The following TRMO variants were observed in gnomAD, a reference collection of about 807,000 sequenced individuals.
The protein encoded by TRMO is tRNA methyltransferase O, also known as tRNA (adenine(37)-N6)-methyltransferase.
TRMO carries 30 observed loss-of-function variants against 37.2 expected under a neutral mutation model. That is an observed-to-expected ratio of 0.81 (90% CI 0.60 to 1.09). The LOEUF (loss-of-function observed/expected upper bound fraction) is 1.09, where lower values mean the gene tolerates loss of function less well. Ranked by LOEUF, TRMO falls within the 50% of genes least tolerant of loss-of-function variation. The pLI is 0.00. For synonymous variants in TRMO, 239 were observed against 199.4 expected, an observed-to-expected ratio of 1.20 and a Z score of -1.67; for missense variants, 552 against 549.5, an observed-to-expected ratio of 1.00 and a Z score of -0.05.
At chr9:97,910,796 C>T in intron 3 of TRMO, 180 bp from the exon 4 acceptor site, 1 of 682,028 alleles carries the variant, frequency 1.5e-6, no homozygotes, top group South Asian at 1.9e-5. Context: ...CTCTTCTCTA[C>T]CTATCAAACT....
In TRMO at chr9:97,904,908, C is replaced by G. The variant is rs767608004; in HGVS notation, c.1151G>C (p.Arg384Pro). The change falls in exon 5 of 5, where the codon CGG becomes CCG. Residue 384 changes from arginine (R) to proline (P), a missense_variant. Coordinates refer to ENST00000375119, the MANE Select transcript of TRMO (RefSeq NM_016481.5). ...AIEAVLSADP[R>P]SVYRRKLCQD... ...GCAAAGCTTCCGGCGGTACACAGAC[C>G]GAGGATCCGCTGACAGCACAGCCTC... 3 of 1,614,138 alleles carry G rather than the reference C, an allele frequency of 1.9e-6. No homozygotes were observed. The highest frequency in any genetic ancestry group is 2.2e-5 in the East Asian group (1 of 44,890).
intron 1 of TRMO, among the ~76,000 whole-genome samples, chr9:97,919,646 T>C (rs1457007055): frequency 1.3e-5 from 2 of 152,240 alleles, no homozygotes. Flanking sequence ...ACTTCTGCCC[T>C]TGACTCTTTG....
chr9:97,900,438 G>C (rs1454559034), downstream of TRMO, among the ~76,000 whole-genome samples: 2 of 152,228 alleles, frequency 1.3e-5, no homozygotes. Context: ...CTGTGGGAAT[G>C]GGCGTTTCTG....
At chr9:97,911,971 A>C (rs948410909) in intron 3 of TRMO, 1 of 152,216 alleles carries the variant, frequency 6.6e-6, no homozygotes, top group Non-Finnish European at 1.5e-5. Context: ...CTAGATGATG[A>C]ATTATGCCTA....
chr9:97,904,562 T>C lies in TRMO; in HGVS notation c.*171A>G, dbSNP rs749185200. The C allele has an allele frequency of 4.3e-4, 621 of 1,439,978 alleles. No individual in the cohort carries two copies. Among genetic ancestry groups the C allele is most frequent in the Non-Finnish European group, 5.3e-4 (583 of 1,101,072 alleles). The allele number at this position is 1,439,978 out of a possible 1,614,324, so 89.2% of individuals were successfully genotyped here. A position where few individuals can be genotyped will look rare whatever the true frequency, so the allele number is the denominator to read the frequency against. On this transcript the variant is annotated 3_prime_UTR_variant, in exon 5 of 5. Transcript: ENST00000375119. The stretch of plus-strand genomic sequence containing the variant: ...TTCTCTGTATTTTATATCTCTTTGT[T>C]AAGTTTATTAATGTATACGTTTTTC...
At chr9:97,909,903 G>C in intron 4 of TRMO, 57 bp downstream of exon 4, 2 of 1,330,864 alleles carry the variant, frequency 1.5e-6, no homozygotes, top group East Asian at 4.7e-5. Flanking sequence ...TACCAAACTT[G>C]GCTAAATCTC....
intron 3 of TRMO, chr9:97,912,509 T>C (rs1187433249): frequency 6.5e-6 from 1 of 154,294 alleles, no homozygotes; most frequent in South Asian, 2.0e-4. Context: ...CTGAGAAAAC[T>C]ACCTAAGGCC....
chr9:97,910,732 T>C, intron 3 of TRMO, 116 bp from the exon 4 acceptor site: 1 of 1,204,132 alleles, frequency 8.3e-7, no homozygotes, highest in South Asian at 1.5e-5. Flanking sequence ...CTCATAATTC[T>C]CTCACACAGA....
At chr9:97,897,901 G>T in the TRMO span, among the ~76,000 whole-genome samples, 15 of 152,066 alleles carry the variant, frequency 9.9e-5, no homozygotes, top group South Asian at 2.9e-3. Flanking sequence ...CTGTTGCCCA[G>T]ACTGGAGGAC....
chr9:97,910,289 A>G lies in TRMO; in HGVS notation c.737T>C (p.Met246Thr), dbSNP rs1826053655. The change falls in exon 4 of 5, where the codon ATG (methionine) becomes ACG (threonine). Residue 246 changes from methionine to threonine, a missense_variant. By Grantham distance (81) the Met-to-Thr change is moderately conservative (BLOSUM62 -1). Transcript: ENST00000375119. ...AAAATCCACTGCTATCTCCCTGTGC[A>G]TAGGAAATGCTTGCTGAATTCTGGC... ...DTARIQQAFP[M>T]HREIAVDFGL... 1.2e-6 allele frequency: 2 copies of G among 1,614,224 alleles called. No individual in the cohort carries two copies. Among genetic ancestry groups the G allele is most frequent in the Non-Finnish European group, 1.7e-6 (2 of 1,180,036 alleles).
Position 97,916,200 on chromosome 9 carries a change from T to C in TRMO, c.215A>G (p.His72Arg), listed in dbSNP as rs1564112070. Residue 72 changes from histidine to arginine, a missense_variant, in exon 2 of 5, where the codon CAT (histidine) becomes CGT (arginine). Physicochemically the swap from His to Arg is conservative, Grantham distance 29. Coordinates refer to ENST00000375119, the MANE Select transcript of TRMO (RefSeq NM_016481.5). Reference sequence around the variant, plus strand: ...AAACTGTTCTAGGCCCATCAAGGAATGTTCAGGATTATTAAAGATCCTCTT... The same window carrying C: ...AAACTGTTCTAGGCCCATCAAGGAACGTTCAGGATTATTAAAGATCCTCTT... ...IRKRIFNNPE[H>R]SLMGLEQFSH... The C allele has an allele frequency of 1.2e-6, 2 of 1,612,050 alleles. No individual in the cohort carries two copies. The highest frequency in any genetic ancestry group is 8.5e-7 in the Non-Finnish European group (1 of 1,179,268).
intron 3 of TRMO, 30 bp from the exon 4 acceptor site, chr9:97,910,646 A>C: frequency 6.2e-7 from 1 of 1,604,450 alleles, no homozygotes; most frequent in East Asian, 2.2e-5. Context: ...AAAATGAAGA[A>C]CAGTGCAAAC....
chr9:97,921,055 A>T (rs1266630088), intron 1 of TRMO, among the ~76,000 whole-genome samples: 1 of 152,232 alleles, frequency 6.6e-6, no homozygotes, highest in Non-Finnish European at 1.5e-5. Flanking sequence ...TCAAAATATG[A>T]GACCTGTAAT....
chr9:97,913,531 A>G lies in TRMO; in HGVS notation c.279T>C (p.Gly93=). 1 of 1,610,862 alleles carries G rather than the reference A, an allele frequency of 6.2e-7. No homozygotes were observed. Among genetic ancestry groups the G allele is most frequent in the Non-Finnish European group, 8.5e-7 (1 of 1,178,694 alleles). ...GCACTTTTGCCTTACAGCTCAAATG[A>G]CCATTTTTGTGAAAAACAAACAAAA... ...VWILFVFHKN[G]HLSCKAKVQP... is the part of the protein sequence containing the mutation. The change falls in exon 3 of 5, where the codon GGT becomes GGC. Residue 93 remains glycine (G), a synonymous_variant. Coordinates refer to ENST00000375119, the MANE Select transcript of TRMO (RefSeq NM_016481.5).
intron 3 of TRMO, 26 bp from the exon 4 acceptor site, chr9:97,910,642 A>T (rs1826081826): frequency 6.2e-7 from 1 of 1,607,192 alleles, no homozygotes; most frequent in Non-Finnish European, 8.5e-7. Context: ...GTGAAAAATG[A>T]AGAACAGTGC....
At chr9:97,913,978 C>T (rs1320112599) in intron 2 of TRMO, 2 of 155,718 alleles carry the variant, frequency 1.3e-5, no homozygotes, top group Non-Finnish European at 2.8e-5. Context: ...ATGTTAAATA[C>T]CTTTACCAGA....
At chr9:97,913,664 G>A in intron 2 of TRMO, 106 bp from the exon 3 acceptor site, 1 of 713,250 alleles carries the variant, frequency 1.4e-6, no homozygotes. Context: ...CAAATTAACA[G>A]AAATCATGTT....
At chr9:97,903,764 T>C (rs562332068), downstream of TRMO, among the ~76,000 whole-genome samples, 1 of 152,288 alleles carries the variant, frequency 6.6e-6, no homozygotes, top group South Asian at 2.1e-4. Flanking sequence ...ACCCATAGGT[T>C]CTCAATAAAT....
At chr9:97,899,253 C>T in the TRMO span, among the ~76,000 whole-genome samples, 7 of 131,170 alleles carry the variant, frequency 5.3e-5, no homozygotes, top group Non-Finnish European at 9.7e-5. Context: ...ACTGCCTGCC[C>T]GGGCAGTGAA....
Sources: allele counts gnomAD v4.1 joint callset (sites outside exome capture counted in the v4.1 genomes callset), GRCh38; gene constraint gnomAD v4.1.1; transcripts MANE v1.5; gene names NCBI Gene and HGNC (gene_info 2026-07-23, HGNC 2026-07-21).